GTF2F1: variants seen among roughly 807,000 people sequenced by gnomAD.
GTF2F1 encodes general transcription factor IIF 74 kDa subunit.
In GTF2F1, 39 loss-of-function variants were observed where a neutral mutation model predicts 63.5. The ratio of observed to expected loss-of-function variants is 0.61; its 90% CI spans 0.48 to 0.80. GTF2F1 has a LOEUF of 0.80. Among genes scored for constraint, GTF2F1 ranks in the 30% least tolerant of loss-of-function variants. GTF2F1 has a pLI of 0.00. For synonymous variants in GTF2F1, 287 were observed against 285.3 expected (o/e 1.01, Z -0.06); for missense variants, 657 against 718.3 (o/e 0.91, Z 0.97).
chr19:6,380,561 TCGTCAACTTACC>T lies in GTF2F1; in HGVS notation c.1349_1349+11del, dbSNP rs1315551900. The T allele has an allele frequency of 6.2e-7, 1 of 1,613,546 alleles. No homozygotes were observed. Among genetic ancestry groups the T allele is most frequent in the Non-Finnish European group, 8.5e-7 (1 of 1,179,664 alleles). ...GCCCTTGCCCTGCCCCCTGCTGTCC[TCGTCAACTTACC>T]CGCTGTTGGGTGTTGTCTTGCCTGA... On this transcript the variant is annotated splice_donor_variant and splice_donor_5th_base_variant and coding_sequence_variant and intron_variant, in exon 12 of 13. Transcript: ENST00000394456. LOFTEE classifies it high-confidence loss of function. The surrounding 1 kb of genome is among the most constrained non-coding windows in gnomAD (Gnocchi z 5.3).
intron 3 of GTF2F1, among the ~76,000 whole-genome samples, 154 bp downstream of exon 3, chr19:6,391,748 C>A (rs147693800): frequency 6.6e-6 from 1 of 152,030 alleles, no homozygotes; most frequent in Non-Finnish European, 1.5e-5. Context: ...CTACTGCACC[C>A]AACCCTTTGT....
rs1381818242 is a variant in GTF2F1, at chr19:6,379,994, GTCAGTGT to G, written c.*280_*286del. 2 of 494,114 alleles carry G rather than the reference GTCAGTGT, an allele frequency of 4.0e-6. No homozygotes were observed. The highest frequency in any genetic ancestry group is 7.4e-6 in the Non-Finnish European group (2 of 270,442). 30.6% of individuals were successfully genotyped at this position (494,114 alleles called of 1,614,324 possible). A position where few individuals can be genotyped will look rare whatever the true frequency, so the allele number is the denominator to read the frequency against. ...ACCCAGTGGGCAGCACAGGCCCTTG[GTCAGTGT>G]GAGGGAGGCCGAGCCAGGAGGAGGA... On this transcript the variant is annotated 3_prime_UTR_variant, in exon 13 of 13. Coordinates refer to ENST00000394456, the MANE Select transcript of GTF2F1 (RefSeq NM_002096.3).
intron 3 of GTF2F1, 22 bp downstream of exon 3, chr19:6,391,880 C>T (rs762212769): frequency 4.2e-6 from 6 of 1,442,806 alleles, no homozygotes; most frequent in South Asian, 1.2e-5. Context: ...CAGCCCCTGA[C>T]CCCCAGGACT....
intron 5 of GTF2F1, chr19:6,386,620 T>A (rs1238020641): frequency 6.6e-6 from 1 of 152,068 alleles, no homozygotes; most frequent in Non-Finnish European, 1.5e-5. Context: ...ATTTTTTGTA[T>A]TTTTAGTAGA....
rs568273336 is a variant in GTF2F1 at position 6,380,495 on chromosome 19, G to A, written c.1350-10C>T. The A allele has an allele frequency of 1.2e-6, 2 of 1,613,716 alleles. No individual in the cohort carries two copies. Among genetic ancestry groups the A allele is most frequent in the African/African-American group, 2.7e-5 (2 of 75,004 alleles). On this transcript the variant is annotated splice_polypyrimidine_tract_variant and intron_variant, in intron 12 of 12. Coordinates refer to ENST00000394456, the MANE Select transcript of GTF2F1 (RefSeq NM_002096.3). This position sits in a 1 kb window ranked among gnomAD's most constrained non-coding sequence, Gnocchi z 5.3. The stretch of plus-strand genomic sequence containing the variant: ...AGTCACCTGCACGTCGCTGAGGATG[G>A]GAGGACGGGGAAGGTGGCATCAGTG...
At chr19:6,388,460 CA>C (rs1238283008) in intron 4 of GTF2F1, among the ~76,000 whole-genome samples, 5 of 152,210 alleles carry the variant, frequency 3.3e-5, no homozygotes, top group African/African-American at 1.2e-4. Flanking sequence ...CACTATCACC[CA>C]ACTGCTGTGC....
At chr19:6,384,174 G>A (rs774172780) in intron 5 of GTF2F1, among the ~76,000 whole-genome samples, 5 of 151,348 alleles carry the variant, frequency 3.3e-5, no homozygotes, top group Non-Finnish European at 5.9e-5. Context: ...TTGGAACAAT[G>A]TAACGTTGTC....
intron 5 of GTF2F1, among the ~76,000 whole-genome samples, chr19:6,386,354 G>C (rs1459760463): frequency 1.3e-5 from 2 of 151,676 alleles, no homozygotes; most frequent in South Asian, 2.1e-4. Context: ...CGCCACTGCA[G>C]TCCAGCCTGG....
Position 6,381,116 on chromosome 19 carries a change from C to A in GTF2F1, c.1092+6G>T. The A allele has an allele frequency of 3.7e-6, 6 of 1,611,254 alleles. No homozygotes were observed. The highest frequency in any genetic ancestry group is 5.1e-6 in the Non-Finnish European group (6 of 1,178,918). On this transcript the variant is annotated splice_donor_region_variant and intron_variant, in intron 10 of 12. Coordinates refer to ENST00000394456, the MANE Select transcript of GTF2F1 (RefSeq NM_002096.3). The surrounding 1 kb of genome is among the most constrained non-coding windows in gnomAD (Gnocchi z 4.1). ...AGGCCTCCCCCGCCACCGGGCTGGGCCTTACCGCCATGAAGAGGGCTGAGG... is the reference window on the plus strand; with the variant it reads ...AGGCCTCCCCCGCCACCGGGCTGGGACTTACCGCCATGAAGAGGGCTGAGG...
At position 6,383,517 on chromosome 19, in the gene GTF2F1, G is replaced by C; in HGVS notation, c.498-22C>G. The C allele has an allele frequency of 6.2e-7, 1 of 1,607,088 alleles. No homozygotes were observed. The highest frequency in any genetic ancestry group is 1.3e-5 in the African/African-American group (1 of 74,978). On this transcript the variant is annotated intron_variant, in intron 5 of 12. Transcript: ENST00000394456. The surrounding 1 kb of genome is among the most constrained non-coding windows in gnomAD (Gnocchi z 4.5). ...CCTCCTGCGGGCCAGGCACAGGGGG[G>C]CTCATGCCGGGCCTGGCACCACCCT...
At chr19:6,392,551 A>G in intron 2 of GTF2F1, 1 of 581,428 alleles carries the variant, frequency 1.7e-6, no homozygotes, top group Admixed American at 2.6e-5. Flanking sequence ...AGACAGCCTG[A>G]CCACTTTGAA....
intron 5 of GTF2F1, 61 bp downstream of exon 5, chr19:6,387,328 T>G: frequency 2.6e-6 from 4 of 1,509,666 alleles, no homozygotes; most frequent in East Asian, 4.5e-5. Context: ...TGGTGATATA[T>G]CCATGGCAAG....
chr19:6,387,616 G>A (rs1825467275), intron 4 of GTF2F1, 57 bp from the exon 5 acceptor site: 9 of 1,279,792 alleles, frequency 7.0e-6, no homozygotes, highest in South Asian at 3.7e-5. Flanking sequence ...GCCCCCCCGT[G>A]TCCCCCCGGG....
In GTF2F1 at chr19:6,383,205, C is replaced by G. The variant is rs2091960351; in HGVS notation, c.682+106G>C. On this transcript the variant is annotated intron_variant, in intron 6 of 12. Coordinates refer to ENST00000394456, the MANE Select transcript of GTF2F1 (RefSeq NM_002096.3). This position sits in a 1 kb window ranked among gnomAD's most constrained non-coding sequence, Gnocchi z 4.5. ...GCGTGAGCCACTGTGCCCGGCCCCA[C>G]TTGCCTCTCATTCTAGGGCCACTGT... 6.5e-6 allele frequency: 8 copies of G among 1,237,074 alleles called. No individual in the cohort carries two copies. Among genetic ancestry groups the G allele is most frequent in the Non-Finnish European group, 8.1e-6 (7 of 868,504 alleles). 76.6% of individuals were successfully genotyped at this position (1,237,074 alleles called of 1,614,324 possible).
At position 6,382,192 on chromosome 19, in the gene GTF2F1, C is replaced by T. The variant is rs557461366; in HGVS notation, c.683-342G>A. On this transcript the variant is annotated intron_variant, in intron 6 of 12. Transcript: ENST00000394456. ...AGTTGCAGTTTCTCATAGGAACCCC[C>T]GTAAAGGCCACAGCCAGGCCAGGTG... 2.6e-5 allele frequency among the ~76,000 whole-genome samples: 4 copies of T among 152,258 alleles called. No individual in the cohort carries two copies. In the East Asian group the frequency reaches 5.8e-4, roughly 22 times the overall value.
chr19:6,381,654 C>G lies in GTF2F1; in HGVS notation c.837-39G>C. On this transcript the variant is annotated intron_variant, in intron 7 of 12. Coordinates refer to ENST00000394456, the MANE Select transcript of GTF2F1 (RefSeq NM_002096.3). The surrounding 1 kb of genome is among the most constrained non-coding windows in gnomAD (Gnocchi z 4.1). ...ATGGCAAAGGATGAGCGCGCGCTCGCGAGGCTGCATGGGGTCTCGCAGGCG... is the reference window on the plus strand; with the variant it reads ...ATGGCAAAGGATGAGCGCGCGCTCGGGAGGCTGCATGGGGTCTCGCAGGCG... 6.2e-7 allele frequency: 1 copy of G among 1,614,034 alleles called. No individual in the cohort carries two copies. The highest frequency in any genetic ancestry group is 1.3e-5 in the African/African-American group (1 of 75,050).
chr19:6,380,926 C>T lies in GTF2F1; in HGVS notation c.1209G>A (p.Ala403=), dbSNP rs762066559. The change falls in exon 11 of 13, where the codon GCG becomes GCA. Residue 403 remains alanine, a synonymous_variant. Coordinates refer to ENST00000394456, the MANE Select transcript of GTF2F1 (RefSeq NM_002096.3). This position sits in a 1 kb window ranked among gnomAD's most constrained non-coding sequence, Gnocchi z 5.3. ...EGGSTSSTLR[A]AASKLEQGKR... is the part of the protein sequence containing the mutation. ...CACCTTGCTCGAGTTTGCTGGCAGC[C>T]GCCCGCAGGGTGGAGGAGGTGCTGC... 4.8e-5 allele frequency: 75 copies of T among 1,570,890 alleles called. 1 individual carries two copies. The highest frequency in any genetic ancestry group is 3.1e-4 in the South Asian group (27 of 86,618).
At chr19:6,387,636 C>A in intron 4 of GTF2F1, 77 bp from the exon 5 acceptor site, 1 of 1,087,422 alleles carries the variant, frequency 9.2e-7, no homozygotes, top group Non-Finnish European at 1.3e-6. Context: ...GGCCTGCCTC[C>A]TTTATGGCAC....
At position 6,381,284 on chromosome 19, in the gene GTF2F1, A is replaced by T; in HGVS notation, c.1018+75T>A. On this transcript the variant is annotated intron_variant, in intron 9 of 12. Transcript: ENST00000394456. This position sits in a 1 kb window ranked among gnomAD's most constrained non-coding sequence, Gnocchi z 4.1. ...TCCACTGCAGATGAGGGAGGCCTGC[A>T]GGGGAGAGGGGAGGAGGTGGCAGGG... 6.5e-7 allele frequency: 1 copy of T among 1,546,974 alleles called. No homozygotes were observed. Among genetic ancestry groups the T allele is most frequent in the African/African-American group, 1.4e-5 (1 of 73,390 alleles).
Sources: gnomAD v4.1 joint callset for allele counts (sites outside exome capture counted in the v4.1 genomes callset) on GRCh38, gnomAD v4.1.1 for gene constraint, Gnocchi (gnomAD v3.1) non-coding constraint, MANE v1.5 for transcripts, NCBI Gene and HGNC (gene_info 2026-07-23, HGNC 2026-07-21) for gene names.